The following SERGEF variants were observed in gnomAD, a reference collection of about 807,000 sequenced individuals.
SERGEF encodes the protein secretion-regulating guanine nucleotide exchange factor.
A neutral mutation model predicts 50.0 loss-of-function variants in SERGEF; 51 were observed. The observed-to-expected ratio is 1.02, with a 90% CI of 0.81 to 1.29. The LOEUF (loss-of-function observed/expected upper bound fraction) is 1.29. Ranked by LOEUF, SERGEF falls within the 50% of genes most tolerant of loss-of-function variation. SERGEF has a pLI of 0.00. For synonymous variants in SERGEF, 205 were observed against 212.4 expected, an observed-to-expected ratio of 0.97 and a Z score of 0.30; for missense variants, 521 against 557.0, an observed-to-expected ratio of 0.94 and a Z score of 0.65.
At chr11:17,812,178 G>A (rs1168796570) in intron 10 of SERGEF, among the ~76,000 whole-genome samples, 4 of 152,252 alleles carry the variant, frequency 2.6e-5, no homozygotes, top group South Asian at 4.2e-4. Flanking sequence ...AAAACTGCAC[G>A]GGAGACTGAG....
At chr11:17,904,146 T>C (rs1264467541) in intron 9 of SERGEF, among the ~76,000 whole-genome samples, 4 of 152,212 alleles carry the variant, frequency 2.6e-5, no homozygotes, top group Non-Finnish European at 5.9e-5. Flanking sequence ...AGACCCTGTG[T>C]TGATTTTGTA....
chr11:17,835,374 C>T (rs539416222), intron 10 of SERGEF, among the ~76,000 whole-genome samples: 21 of 152,232 alleles, frequency 1.4e-4, no homozygotes, highest in African/African-American at 2.6e-4. Flanking sequence ...ACAATAGCTC[C>T]GTCTAAATTC....
chr11:17,887,498 G>T (rs1851452138), intron 9 of SERGEF, among the ~76,000 whole-genome samples: 1 of 152,144 alleles, frequency 6.6e-6, no homozygotes, highest in Non-Finnish European at 1.5e-5. Context: ...CCTATGGCAG[G>T]CTTCTCAGAA....
At chr11:17,976,445 C>T (rs1250895364) in intron 8 of SERGEF, among the ~76,000 whole-genome samples, 4 of 145,238 alleles carry the variant, frequency 2.8e-5, no homozygotes, top group South Asian at 2.3e-4. Flanking sequence ...ACCACCACCT[C>T]GGCTAATTTT....
intron 9 of SERGEF, among the ~76,000 whole-genome samples, chr11:17,936,692 AC>A (rs1254063417): frequency 6.6e-6 from 1 of 152,224 alleles, no homozygotes; most frequent in African/African-American, 2.4e-5. Flanking sequence ...AGAGAGACTC[AC>A]AGTTAGGGGT....
intron 1 of SERGEF, among the ~76,000 whole-genome samples, chr11:18,008,841 A>G (rs1018543396): frequency 3.3e-5 from 5 of 152,066 alleles, no homozygotes; most frequent in African/African-American, 7.2e-5. Context: ...AGCGTGTTTC[A>G]AATAAATTAT....
At chr11:17,867,697 C>G (rs964860446) in intron 10 of SERGEF, among the ~76,000 whole-genome samples, 1 of 152,172 alleles carries the variant, frequency 6.6e-6, no homozygotes, top group Non-Finnish European at 1.5e-5. Context: ...CCATGAAGGC[C>G]CCACCACTGT....
intron 9 of SERGEF, among the ~76,000 whole-genome samples, chr11:17,903,889 C>A (rs2133922863): frequency 6.6e-6 from 1 of 152,306 alleles, no homozygotes; most frequent in South Asian, 2.1e-4. Context: ...GTCTCCACTT[C>A]CGTAGGTCAT....
intron 9 of SERGEF, among the ~76,000 whole-genome samples, chr11:17,897,860 C>T (rs999431362): frequency 6.6e-6 from 1 of 152,166 alleles, no homozygotes; most frequent in Non-Finnish European, 1.5e-5. Flanking sequence ...ACAAAACACA[C>T]CACTATATAT....
Position 17,868,774 on chromosome 11 carries a change from A to G in SERGEF, c.1048+9434T>C, listed in dbSNP as rs983951296. On this transcript the variant is annotated intron_variant, in intron 10 of 10. Coordinates refer to ENST00000265965, the MANE Select transcript of SERGEF (RefSeq NM_012139.4). ...CAGAAAGCAAGGAGGAGAAAGTCAC[A>G]TCTTACATGGATGGTGGCAGGCAAA... Among the ~76,000 whole-genome samples the G allele has an allele frequency of 9.2e-5, 14 of 152,326 alleles. No homozygotes were observed. The East Asian group carries it at 2.3e-3, about 25-fold the overall frequency.
intron 9 of SERGEF, among the ~76,000 whole-genome samples, chr11:17,942,155 T>C (rs1852574766): frequency 6.6e-6 from 1 of 152,162 alleles, no homozygotes; most frequent in Non-Finnish European, 1.5e-5. Flanking sequence ...AAAAAGTCTC[T>C]TGAGATTTTG....
chr11:17,830,637 A>G (rs1022668808), intron 10 of SERGEF, among the ~76,000 whole-genome samples: 39 of 66,446 alleles, frequency 5.9e-4, no homozygotes, highest in Admixed American at 1.0e-3. Context: ...GGAAAGGGGG[A>G]GGGAGAGGGA....
At chr11:17,873,300 C>T (rs972090234) in intron 10 of SERGEF, among the ~76,000 whole-genome samples, 40 of 152,088 alleles carry the variant, frequency 2.6e-4, no homozygotes, top group Non-Finnish European at 2.9e-5. Context: ...ACCAGAGTAC[C>T]AGCTCATCAA....
intron 9 of SERGEF, among the ~76,000 whole-genome samples, chr11:17,917,027 A>C (rs1316561045): frequency 6.6e-6 from 1 of 152,218 alleles, no homozygotes; most frequent in Non-Finnish European, 1.5e-5. Context: ...AAAGAACTAA[A>C]AGTAGAACTA....
At chr11:17,997,328 A>AT (rs1765978090) in intron 5 of SERGEF, among the ~76,000 whole-genome samples, 1 of 152,024 alleles carries the variant, frequency 6.6e-6, no homozygotes, top group Admixed American at 6.6e-5. Context: ...ATGAAAACAG[A>AT]TATCACCTCA....
chr11:17,876,812 T>C lies in SERGEF; in HGVS notation c.1048+1396A>G, dbSNP rs538525034. 2.6e-4 allele frequency among the ~76,000 whole-genome samples: 40 copies of C among 152,376 alleles called. No individual in the cohort carries two copies. In the South Asian group the frequency reaches 8.1e-3, roughly 31 times the overall value. Reference sequence around the variant, plus strand: ...AGTCCAGTGATAGCAGTAGCAGCAATGTCCTAGGCACCGCCTTTGACTCTT... The same window carrying C: ...AGTCCAGTGATAGCAGTAGCAGCAACGTCCTAGGCACCGCCTTTGACTCTT... On this transcript the variant is annotated intron_variant, in intron 10 of 10. Coordinates refer to ENST00000265965, the MANE Select transcript of SERGEF (RefSeq NM_012139.4).
intron 9 of SERGEF, among the ~76,000 whole-genome samples, chr11:17,935,905 G>C (rs1212088214): frequency 6.6e-6 from 1 of 152,174 alleles, no homozygotes; most frequent in African/African-American, 2.4e-5. Flanking sequence ...TGGGGCAGCA[G>C]AGTGGAGGGA....
intron 7 of SERGEF, among the ~76,000 whole-genome samples, chr11:17,990,391 C>A (rs1853688297): frequency 6.6e-6 from 1 of 152,164 alleles, no homozygotes; most frequent in African/African-American, 2.4e-5. Flanking sequence ...TTGGTGTATT[C>A]CATTCCCAGA....
chr11:17,835,505 C>A (rs1436703183), intron 10 of SERGEF, among the ~76,000 whole-genome samples: 2 of 152,220 alleles, frequency 1.3e-5, no homozygotes, highest in African/African-American at 2.4e-5. Context: ...CTCTGTCCAT[C>A]TGGGTCAGAG....
Sources: allele counts gnomAD v4.1 joint callset (sites outside exome capture counted in the v4.1 genomes callset), GRCh38; gene constraint gnomAD v4.1.1; transcripts MANE v1.5; gene names NCBI Gene and HGNC (gene_info 2026-07-23, HGNC 2026-07-21).